The following PSG2 variants were observed in gnomAD, a reference collection of about 807,000 sequenced individuals.
PSG2 encodes pregnancy specific beta-1-glycoprotein 2, also known as pregnancy-specific beta-1-glycoprotein 2.
Under a neutral mutation model 36.2 loss-of-function variants are expected in PSG2, and 49 were observed. That is an observed-to-expected ratio of 1.35 (90% CI 1.08 to 1.72). The LOEUF (loss-of-function observed/expected upper bound fraction) is 1.72, where lower values mean the gene tolerates loss of function less well. Ranked by LOEUF, PSG2 falls within the 40% of genes most tolerant of loss-of-function variation. PSG2 has a pLI of 0.00. For synonymous variants in PSG2, 261 were observed against 155.6 expected (o/e 1.68, Z -5.04); for missense variants, 605 against 407.2 (o/e 1.49, Z -4.18).
At position 43,072,720 on chromosome 19, in the gene PSG2, T is replaced by C. The variant is rs560853011; in HGVS notation, c.710-766A>G. Reference sequence around the variant, plus strand: ...AATCAGAGTTACCATCTCCCACCTCTCAGCCCACCTGAGTCCTTGAAAGCC... The same window carrying C: ...AATCAGAGTTACCATCTCCCACCTCCCAGCCCACCTGAGTCCTTGAAAGCC... On this transcript the variant is annotated intron_variant, in intron 3 of 5. Coordinates refer to ENST00000406487, the MANE Select transcript of PSG2 (RefSeq NM_031246.4). 1.9e-6 allele frequency: 3 copies of C among 1,562,758 alleles called. No individual in the cohort carries two copies. The South Asian group carries it at 3.6e-5, about 19-fold the overall frequency.
intron 2 of PSG2, among the ~76,000 whole-genome samples, chr19:43,078,796 G>A (rs999133181): frequency 6.6e-6 from 1 of 151,458 alleles, no homozygotes; most frequent in Non-Finnish European, 1.5e-5. Context: ...ATTTTTTTGT[G>A]TGTGTGTGCA....
chr19:43,079,919 G>A (rs1044821711), intron 2 of PSG2, among the ~76,000 whole-genome samples: 8 of 151,756 alleles, frequency 5.3e-5, no homozygotes, highest in African/African-American at 1.9e-4. Context: ...CTTTGTGTTG[G>A]TGTGACTCTG....
intron 3 of PSG2, 141 bp from the exon 4 acceptor site, chr19:43,072,095 G>A (rs984860134): frequency 1.9e-5 from 26 of 1,390,484 alleles, no homozygotes; most frequent in African/African-American, 8.8e-5. Flanking sequence ...TCACTGAGCC[G>A]AACCCTGAAG....
chr19:43,068,358 G>C (rs1482837775), intron 4 of PSG2, among the ~76,000 whole-genome samples: 5 of 151,010 alleles, frequency 3.3e-5, no homozygotes, highest in Non-Finnish European at 7.4e-5. Context: ...AGAATTGCTT[G>C]AGCCCAGGAG....
At chr19:43,069,510 A>C (rs1967787220) in intron 4 of PSG2, among the ~76,000 whole-genome samples, 1 of 151,786 alleles carries the variant, frequency 6.6e-6, no homozygotes, top group South Asian at 2.1e-4. Flanking sequence ...ATAAAGGAGG[A>C]CATAGAAATT....
At chr19:43,077,220 A>G (rs1371728383) in intron 2 of PSG2, among the ~76,000 whole-genome samples, 12 of 151,594 alleles carry the variant, frequency 7.9e-5, no homozygotes, top group African/African-American at 2.7e-4. Flanking sequence ...GCAGGATCAC[A>G]TTATGCTCAA....
chr19:43,066,750 T>C, intron 4 of PSG2, 150 bp from the exon 5 acceptor site: 1 of 1,346,484 alleles, frequency 7.4e-7, no homozygotes, highest in Non-Finnish European at 1.0e-6. Context: ...GAGATGATTA[T>C]ATTCTTGCAG....
chr19:43,068,873 T>A (rs181259584), intron 4 of PSG2, among the ~76,000 whole-genome samples: 2 of 151,542 alleles, frequency 1.3e-5, no homozygotes, highest in Admixed American at 6.6e-5. Context: ...GTCAGAAAAA[T>A]TAGGCAAGAA....
Position 43,066,749 on chromosome 19 carries a change from A to G in PSG2, c.965-149T>C, listed in dbSNP as rs184850704. ...CTTGGAATATTGATGGGAGATGATTATATTCTTGCAGTTTTTTTTCCCTCT... is the reference window on the plus strand; with the variant it reads ...CTTGGAATATTGATGGGAGATGATTGTATTCTTGCAGTTTTTTTTCCCTCT... On this transcript the variant is annotated intron_variant, in intron 4 of 5. Coordinates refer to ENST00000406487, the MANE Select transcript of PSG2 (RefSeq NM_031246.4). 1.2e-4 allele frequency: 155 copies of G among 1,335,472 alleles called. 5 individuals are homozygous for G. In the East Asian group the frequency reaches 1.5e-3, roughly 13 times the overall value. The allele number at this position is 1,335,472 out of a possible 1,614,324, so 82.7% of individuals were successfully genotyped here.
At chr19:43,069,559 A>G (rs943270987) in intron 4 of PSG2, among the ~76,000 whole-genome samples, 9 of 151,766 alleles carry the variant, frequency 5.9e-5, no homozygotes, top group African/African-American at 2.2e-4. Context: ...TCTTGCATAT[A>G]TGGCCAAATG....
At position 43,072,402 on chromosome 19, in the gene PSG2, G is replaced by A. The variant is rs1172658143; in HGVS notation, c.710-448C>T. On this transcript the variant is annotated intron_variant, in intron 3 of 5. Transcript: ENST00000406487. ...CTGTGGATGCCACCATATCGGTCCC[G>A]TATTTCACATTCATAGGGTCCTGTT... The A allele has an allele frequency of 2.9e-5, 47 of 1,612,464 alleles. 1 individual carries two copies. Among genetic ancestry groups the A allele is most frequent in the Admixed American group, 2.8e-4 (17 of 59,944 alleles).
intron 3 of PSG2, among the ~76,000 whole-genome samples, chr19:43,074,907 G>A (rs1359502953): frequency 1.5e-5 from 2 of 136,978 alleles, no homozygotes; most frequent in Non-Finnish European, 3.0e-5. Context: ...GACTTCCCTT[G>A]TATGGTAATA....
chr19:43,073,855 T>A (rs1385749802), intron 3 of PSG2, among the ~76,000 whole-genome samples: 1 of 151,806 alleles, frequency 6.6e-6, no homozygotes, highest in Non-Finnish European at 1.5e-5. Flanking sequence ...TCTGAAATAT[T>A]TGTCATATAC....
At position 43,064,602 on chromosome 19, in the gene PSG2, C is replaced by T. The variant is rs1300793284; in HGVS notation, c.*41-1G>A. 4 of 653,770 alleles carry T rather than the reference C, an allele frequency of 6.1e-6. No homozygotes were observed. Among genetic ancestry groups the T allele is most frequent in the Non-Finnish European group, 1.2e-5 (4 of 346,646 alleles). 40.5% of individuals were successfully genotyped at this position (653,770 alleles called of 1,614,324 possible). A position where few individuals can be genotyped will look rare whatever the true frequency, so the allele number is the denominator to read the frequency against. ...TGTAAGAGACCTTTCCATAAATCTC[C>T]TTGAAGAAAAAGCAATTTTGGACTG... On this transcript the variant is annotated splice_acceptor_variant, in intron 5 of 5. Transcript: ENST00000406487. LOFTEE classifies it low-confidence loss of function (3UTR_SPLICE).
At chr19:43,068,379 C>T (rs1370443340) in intron 4 of PSG2, among the ~76,000 whole-genome samples, 1 of 150,040 alleles carries the variant, frequency 6.7e-6, no homozygotes, top group Non-Finnish European at 1.5e-5. Context: ...GTTGAGGCTG[C>T]AGTGAGCCAT....
At chr19:43,065,833 T>G (rs1170100256) in intron 5 of PSG2, 1 of 151,876 alleles carries the variant, frequency 6.6e-6, no homozygotes, top group Non-Finnish European at 1.5e-5. Context: ...GGTCACATGT[T>G]GCTTGTGATG....
chr19:43,082,398 C>G (rs779820795), intron 1 of PSG2, 108 bp downstream of exon 1: 57 of 1,519,686 alleles, frequency 3.8e-5, no homozygotes, highest in Non-Finnish European at 4.9e-5. Context: ...CCTCAGCCTC[C>G]CTAAGTGCTG....
At position 43,080,994 on chromosome 19, in the gene PSG2, G is replaced by A. The variant is rs1163197420; in HGVS notation, c.317C>T (p.Ser106Phe). The change falls in exon 2 of 6, where the codon TCC becomes TTC. Residue 106 changes from serine (S) to phenylalanine (F), a missense_variant. Ser to Phe is a radical substitution (Grantham distance 155). Transcript: ENST00000406487. ...SGRETAYSNASLLIQNVTRED... is the reference protein window; with the variant it reads ...SGRETAYSNAFLLIQNVTRED... ...CCGGGTGACATTCTGGATCAGCAGGGATGCATTGGAATATGCTGTTTCTCG... is the reference window on the plus strand; with the variant it reads ...CCGGGTGACATTCTGGATCAGCAGGAATGCATTGGAATATGCTGTTTCTCG... The A allele has an allele frequency of 1.9e-6, 3 of 1,612,966 alleles. No homozygotes were observed. The highest frequency in any genetic ancestry group is 2.2e-5 in the East Asian group (1 of 44,884).
At chr19:43,079,934 AGTGACTG>A (rs1244973947) in intron 2 of PSG2, among the ~76,000 whole-genome samples, 1 of 151,696 alleles carries the variant, frequency 6.6e-6, no homozygotes, top group African/African-American at 2.4e-5. Flanking sequence ...ACTCTGGTTC[AGTGACTG>A]TGCCTTCCTG....
Sources: gnomAD v4.1 joint callset for allele counts (sites outside exome capture counted in the v4.1 genomes callset) on GRCh38, gnomAD v4.1.1 for gene constraint, MANE v1.5 for transcripts, NCBI Gene and HGNC (gene_info 2026-07-23, HGNC 2026-07-21) for gene names.